SLC19A2: variants seen among roughly 807,000 people sequenced by gnomAD.
SLC19A2 encodes the protein solute carrier family 19 member 2.
A neutral mutation model predicts 44.7 loss-of-function variants in SLC19A2; 27 were observed. The observed-to-expected ratio is 0.60, with a 90% CI of 0.45 to 0.83. The LOEUF (loss-of-function observed/expected upper bound fraction) is 0.83, where lower values mean the gene tolerates loss of function less well. Ranked by LOEUF, SLC19A2 falls within the 40% of genes least tolerant of loss-of-function variation. The pLI is 0.00. For missense variants in SLC19A2, 566 were observed against 613.7 expected (o/e 0.92, Z 0.82); for synonymous variants, 239 against 243.6 (o/e 0.98, Z 0.18).
intron 1 of SLC19A2, among the ~76,000 whole-genome samples, chr1:169,478,410 G>C (rs1571538595): frequency 1.3e-5 from 2 of 150,322 alleles, no homozygotes; most frequent in Non-Finnish European, 3.0e-5. Flanking sequence ...CTGGAATGCA[G>C]TGGCAGAATC....
chr1:169,470,360 T>C (rs540460670), intron 2 of SLC19A2, among the ~76,000 whole-genome samples, 174 bp from the exon 3 acceptor site: 3 of 152,326 alleles, frequency 2.0e-5, no homozygotes, highest in East Asian at 1.9e-4. Context: ...TATGTTCTCA[T>C]AGGATTTTTG....
At chr1:169,479,361 T>C (rs1658394362) in intron 1 of SLC19A2, among the ~76,000 whole-genome samples, 1 of 152,256 alleles carries the variant, frequency 6.6e-6, no homozygotes, top group Non-Finnish European at 1.5e-5. Context: ...TTCTTTCTAA[T>C]GCATATTTTA....
rs1431416124 is a variant in SLC19A2, at chr1:169,485,543, C to T, written c.204+20G>A. On this transcript the variant is annotated intron_variant, in intron 1 of 5. Coordinates refer to ENST00000236137, the MANE Select transcript of SLC19A2 (RefSeq NM_006996.3). ...GGCCGGTCGCCCGCCCTTCCCGCGCCCCGCGTCCGCCGCGCGTACCTCCCT... is the reference window on the plus strand; with the variant it reads ...GGCCGGTCGCCCGCCCTTCCCGCGCTCCGCGTCCGCCGCGCGTACCTCCCT... The T allele has an allele frequency of 6.4e-7, 1 of 1,571,464 alleles. No individual in the cohort carries two copies. Among genetic ancestry groups the T allele is most frequent in the East Asian group, 2.4e-5 (1 of 42,076 alleles).
chr1:169,475,649 C>G (rs987805878), intron 2 of SLC19A2, among the ~76,000 whole-genome samples: 3 of 152,068 alleles, frequency 2.0e-5, no homozygotes, highest in Non-Finnish European at 4.4e-5. Flanking sequence ...CCTCTGTTGA[C>G]TCTCTAATAT....
intron 1 of SLC19A2, among the ~76,000 whole-genome samples, chr1:169,481,539 C>T (rs1164618233): frequency 6.6e-6 from 1 of 152,200 alleles, no homozygotes; most frequent in Non-Finnish European, 1.5e-5. Flanking sequence ...AGATCCTTTT[C>T]TTTTTCAGTG....
chr1:169,465,161 T>A lies in SLC19A2; in HGVS notation c.*688A>T, dbSNP rs985449599. ...TAAATGAGCTTCTCTGGGAAGCATA[T>A]GAATAATGCAAAAACGTACTTCTAA... On this transcript the variant is annotated 3_prime_UTR_variant, in exon 6 of 6. Coordinates refer to ENST00000236137, the MANE Select transcript of SLC19A2 (RefSeq NM_006996.3). The A allele has an allele frequency of 6.6e-6, 1 of 152,236 alleles. No homozygotes were observed. Among genetic ancestry groups the A allele is most frequent in the Non-Finnish European group, 1.5e-5 (1 of 68,066 alleles). The allele number at this position is 152,236 out of a possible 1,614,324, so 9.4% of individuals were successfully genotyped here.
In SLC19A2 at chr1:169,477,524, G is replaced by A. The variant is rs746299812; in HGVS notation, c.438C>T (p.Tyr146=). ...ATEIAYYSYI[Y]SVVDLGMYQK... ...GGTACATGCCCAGGTCCACCACACTGTAGATATAAGAGTAATAGGCAATTT... is the reference window on the plus strand; with the variant it reads ...GGTACATGCCCAGGTCCACCACACTATAGATATAAGAGTAATAGGCAATTT... The change falls in exon 2 of 6, where the codon TAC becomes TAT. Residue 146 remains tyrosine, a synonymous_variant. Transcript: ENST00000236137. The A allele has an allele frequency of 1.2e-6, 2 of 1,614,066 alleles. No homozygotes were observed. Among genetic ancestry groups the A allele is most frequent in the African/African-American group, 2.7e-5 (2 of 74,920 alleles).
chr1:169,475,895 T>A (rs767243534), intron 2 of SLC19A2, among the ~76,000 whole-genome samples: 4 of 152,198 alleles, frequency 2.6e-5, no homozygotes, highest in Non-Finnish European at 5.9e-5. Context: ...GGACATTAGA[T>A]GCCACATTTA....
chr1:169,477,970 G>C (rs1658364284), intron 1 of SLC19A2, among the ~76,000 whole-genome samples: 1 of 152,104 alleles, frequency 6.6e-6, no homozygotes, highest in Non-Finnish European at 1.5e-5. Context: ...GCAGTGGTAC[G>C]ATCTTGGCTC....
chr1:169,480,207 A>G (rs1012607845), intron 1 of SLC19A2, among the ~76,000 whole-genome samples: 1 of 152,220 alleles, frequency 6.6e-6, no homozygotes, highest in African/African-American at 2.4e-5. Context: ...AATAACTCTA[A>G]GTAGAAAACC....
rs753269605 is a variant in SLC19A2 at position 169,485,786 on chromosome 1, G to T, written c.-20C>A. On this transcript the variant is annotated 5_prime_UTR_variant, in exon 1 of 6. Coordinates refer to ENST00000236137, the MANE Select transcript of SLC19A2 (RefSeq NM_006996.3). ...ATCCATCCGGGGCGCGAGGGGAGGGGACCCGGCCCGGCCCCTTCCTTCTCC... is the reference window on the plus strand; with the variant it reads ...ATCCATCCGGGGCGCGAGGGGAGGGTACCCGGCCCGGCCCCTTCCTTCTCC... 9.9e-6 allele frequency: 15 copies of T among 1,519,384 alleles called. No individual in the cohort carries two copies. The highest frequency in any genetic ancestry group is 2.8e-5 in the African/African-American group (2 of 72,196). The allele number at this position is 1,519,384 out of a possible 1,614,324, so 94.1% of individuals were successfully genotyped here.
intron 5 of SLC19A2, 104 bp downstream of exon 5, chr1:169,468,007 T>A: frequency 8.7e-7 from 1 of 1,150,618 alleles, no homozygotes; most frequent in East Asian, 2.3e-5. Flanking sequence ...TTACTTTACA[T>A]CTGTTCCCTA....
intron 1 of SLC19A2, among the ~76,000 whole-genome samples, chr1:169,479,911 T>C (rs1658407028): frequency 6.6e-6 from 1 of 152,210 alleles, no homozygotes; most frequent in Non-Finnish European, 1.5e-5. Flanking sequence ...CAATAAAAAA[T>C]TGTTGCAAAA....
Position 169,464,998 on chromosome 1 carries a change from A to C in SLC19A2, c.*851T>G, listed in dbSNP as rs1657955879. The C allele has an allele frequency of 6.6e-6, 1 of 152,276 alleles. No individual in the cohort carries two copies. Among genetic ancestry groups the C allele is most frequent in the Admixed American group, 6.5e-5 (1 of 15,278 alleles). The allele number at this position is 152,276 out of a possible 1,614,324, so 9.4% of individuals were successfully genotyped here. A position where few individuals can be genotyped will look rare whatever the true frequency, so the allele number is the denominator to read the frequency against. On this transcript the variant is annotated 3_prime_UTR_variant, in exon 6 of 6. Coordinates refer to ENST00000236137, the MANE Select transcript of SLC19A2 (RefSeq NM_006996.3). ...ATACAAATACAAATGGCCTAGTTAC[A>C]TCTTTAGCCTATATATGAACTTTTA...
At chr1:169,471,675 C>CGTGTGTGTGTGTGTGTGTGTGTGTGT (rs140548510) in intron 2 of SLC19A2, among the ~76,000 whole-genome samples, 19 of 131,952 alleles carry the variant, frequency 1.4e-4, no homozygotes, top group African/African-American at 5.2e-4. Context: ...AAAAAACAAA[C>CGTGTGTGTGTGTGTGTGTGTGTGTGT]GTGTGTGTGT....
At chr1:169,478,458 G>T (rs1557892369) in intron 1 of SLC19A2, among the ~76,000 whole-genome samples, 1 of 150,610 alleles carries the variant, frequency 6.6e-6, no homozygotes, top group East Asian at 2.0e-4. Flanking sequence ...TGAGGCTCAG[G>T]TGATCCTTCC....
At position 169,485,921 on chromosome 1, in the gene SLC19A2, C is replaced by T. The variant is rs945128494; in HGVS notation, c.-155G>A. ...CCGCCGCCTCCGGCTACAGAACCCC[C>T]AGCTTTACCCTACAGACGCCTCTAG... On this transcript the variant is annotated 5_prime_UTR_variant, in exon 1 of 6. Coordinates refer to ENST00000236137, the MANE Select transcript of SLC19A2 (RefSeq NM_006996.3). 3 of 887,446 alleles carry T rather than the reference C, an allele frequency of 3.4e-6. No homozygotes were observed. The highest frequency in any genetic ancestry group is 3.3e-6 in the Non-Finnish European group (2 of 599,350). 55.0% of individuals were successfully genotyped at this position (887,446 alleles called of 1,614,324 possible).
At chr1:169,483,905 C>A (rs1308924253) in intron 1 of SLC19A2, among the ~76,000 whole-genome samples, 1 of 152,184 alleles carries the variant, frequency 6.6e-6, no homozygotes, top group Non-Finnish European at 1.5e-5. Flanking sequence ...TTTTGGGTCT[C>A]CAGAATCATA....
At chr1:169,485,458 T>C (rs1212768593) in intron 1 of SLC19A2, 105 bp downstream of exon 1, 1 of 1,290,358 alleles carries the variant, frequency 7.7e-7, no homozygotes, top group Non-Finnish European at 1.1e-6. Flanking sequence ...ATCAGAAATC[T>C]CTGCCGAGAA....
Sources: allele counts gnomAD v4.1 joint callset (sites outside exome capture counted in the v4.1 genomes callset), GRCh38; gene constraint gnomAD v4.1.1; transcripts MANE v1.5; gene names NCBI Gene and HGNC (gene_info 2026-07-23, HGNC 2026-07-21).